CAMK1D: variants seen among roughly 807,000 people sequenced by gnomAD.
CAMK1D encodes calcium/calmodulin dependent protein kinase ID.
Under a neutral mutation model 47.7 loss-of-function variants are expected in CAMK1D, and 9 were observed. The ratio of observed to expected loss-of-function variants is 0.19; its 90% CI spans 0.11 to 0.33. The LOEUF is 0.33. Among genes scored for constraint, CAMK1D ranks in the 10% least tolerant of loss-of-function variants. The pLI is 1.00. For synonymous variants in CAMK1D, 184 were observed against 184.9 expected, an observed-to-expected ratio of 0.99 and a Z score of 0.04; for missense variants, 291 against 488.7, an observed-to-expected ratio of 0.60 and a Z score of 3.81.
At chr10:12,469,574 A>G (rs1332311792) in intron 1 of CAMK1D, among the ~76,000 whole-genome samples, 1 of 152,152 alleles carries the variant, frequency 6.6e-6, no homozygotes, top group African/African-American at 2.4e-5. Flanking sequence ...ATAAACACAT[A>G]ACTACACAAC....
intron 1 of CAMK1D, among the ~76,000 whole-genome samples, chr10:12,381,832 A>G (rs1038840332): frequency 3.9e-5 from 6 of 152,150 alleles, no homozygotes; most frequent in African/African-American, 1.4e-4. Flanking sequence ...AGAAATGATG[A>G]GTTCGACTGT....
At chr10:12,768,607 G>A (rs1011110260) in intron 4 of CAMK1D, among the ~76,000 whole-genome samples, 2 of 151,780 alleles carry the variant, frequency 1.3e-5, no homozygotes, top group African/African-American at 4.8e-5. Context: ...GACATTCCTG[G>A]ACAACAGCAG....
At chr10:12,540,922 G>GTTTT (rs200320640) in intron 1 of CAMK1D, among the ~76,000 whole-genome samples, 2 of 144,964 alleles carry the variant, frequency 1.4e-5, no homozygotes, top group Non-Finnish European at 3.0e-5. Flanking sequence ...TGAGTTATAG[G>GTTTT]TTTTTTTTTT....
intron 2 of CAMK1D, among the ~76,000 whole-genome samples, chr10:12,570,539 G>T (rs1183645252): frequency 6.6e-6 from 1 of 150,954 alleles, no homozygotes; most frequent in Non-Finnish European, 1.5e-5. Context: ...AATTAGCTGG[G>T]CGTGGTGGTG....
chr10:12,538,426 A>G (rs969914953), intron 1 of CAMK1D, among the ~76,000 whole-genome samples: 1 of 152,148 alleles, frequency 6.6e-6, no homozygotes, highest in African/African-American at 2.4e-5. Context: ...TGTGAGATGT[A>G]TCTGATTGAA....
intron 1 of CAMK1D, among the ~76,000 whole-genome samples, chr10:12,376,259 C>T (rs748209140): frequency 6.6e-5 from 10 of 151,550 alleles, no homozygotes; most frequent in Admixed American, 2.6e-4. Flanking sequence ...AGACACTCGA[C>T]GGGGCCTTTA....
At chr10:12,394,753 G>A (rs569633684) in intron 1 of CAMK1D, among the ~76,000 whole-genome samples, 3 of 152,314 alleles carry the variant, frequency 2.0e-5, no homozygotes, top group Admixed American at 6.5e-5. Context: ...ATCATGATGG[G>A]TTTTGAGTTC....
chr10:12,548,523 G>A (rs2132262807), intron 1 of CAMK1D, among the ~76,000 whole-genome samples: 1 of 141,688 alleles, frequency 7.1e-6, no homozygotes, highest in East Asian at 2.2e-4. Context: ...GAAGTACAGT[G>A]CCGTGATCAT....
chr10:12,403,820 C>T (rs947710614), intron 1 of CAMK1D, among the ~76,000 whole-genome samples: 5 of 151,858 alleles, frequency 3.3e-5, no homozygotes, highest in East Asian at 1.9e-4. Flanking sequence ...AACTGTTCTT[C>T]CATAATAGGC....
At chr10:12,827,863 A>G (rs1833313931) in intron 10 of CAMK1D, among the ~76,000 whole-genome samples, 1 of 151,864 alleles carries the variant, frequency 6.6e-6, no homozygotes. Context: ...TAATTTTTGT[A>G]TTTTTTGTAG....
intron 5 of CAMK1D, among the ~76,000 whole-genome samples, chr10:12,772,015 C>T (rs961386654): frequency 6.9e-6 from 1 of 145,628 alleles, no homozygotes; most frequent in Non-Finnish European, 1.5e-5. Flanking sequence ...GCCTGGGTGA[C>T]AAAGCGAGAT....
chr10:12,388,977 C>A (rs61847398), intron 1 of CAMK1D, among the ~76,000 whole-genome samples: 1 of 152,024 alleles, frequency 6.6e-6, no homozygotes, highest in African/African-American at 2.4e-5. Context: ...ATTGTCGTGT[C>A]GTCTGTGTGA....
At chr10:12,776,932 C>T (rs370251137) in intron 5 of CAMK1D, among the ~76,000 whole-genome samples, 27 of 152,310 alleles carry the variant, frequency 1.8e-4, no homozygotes, top group African/African-American at 6.0e-4. Context: ...GAAACTTGCA[C>T]ATCAGGCAGC....
At chr10:12,599,442 G>A (rs969419412) in intron 2 of CAMK1D, among the ~76,000 whole-genome samples, 1 of 152,120 alleles carries the variant, frequency 6.6e-6, no homozygotes, top group Non-Finnish European at 1.5e-5. Context: ...TGACCTCATC[G>A]TGCCCACCTG....
intron 3 of CAMK1D, among the ~76,000 whole-genome samples, chr10:12,671,305 G>A (rs140621596): frequency 4.8e-4 from 72 of 150,702 alleles, no homozygotes; most frequent in Admixed American, 7.9e-4. Context: ...TTTCCCTTGG[G>A]TATATACCTA....
intron 1 of CAMK1D, among the ~76,000 whole-genome samples, chr10:12,441,980 A>G (rs1267492567): frequency 1.3e-5 from 2 of 152,212 alleles, no homozygotes; most frequent in African/African-American, 4.8e-5. Context: ...GAAGTTGTAT[A>G]AAATAAATTT....
intron 3 of CAMK1D, among the ~76,000 whole-genome samples, chr10:12,696,256 G>A (rs1833291954): frequency 6.6e-6 from 1 of 151,980 alleles, no homozygotes; most frequent in African/African-American, 2.4e-5. Flanking sequence ...ATTTCAATTG[G>A]CCAGGCCTGG....
chr10:12,616,032 T>TG (rs1491042983), intron 2 of CAMK1D, among the ~76,000 whole-genome samples: 1 of 148,234 alleles, frequency 6.7e-6, no homozygotes, highest in African/African-American at 2.5e-5. Context: ...GCTGTGTGTG[T>TG]GGGTGTGTGA....
At chr10:12,584,538 G>A (rs1398285999) in intron 2 of CAMK1D, among the ~76,000 whole-genome samples, 1 of 152,186 alleles carries the variant, frequency 6.6e-6, no homozygotes, top group East Asian at 1.9e-4. Flanking sequence ...AGGCCCAGTA[G>A]GCTGGGCGTG....
Sources: gnomAD v4.1 joint callset for allele counts (sites outside exome capture counted in the v4.1 genomes callset) on GRCh38, gnomAD v4.1.1 for gene constraint, MANE v1.5 for transcripts, NCBI Gene and HGNC (gene_info 2026-07-23, HGNC 2026-07-21) for gene names.